KCNIP4: variants seen among roughly 807,000 people sequenced by gnomAD.
The protein encoded by KCNIP4 is Kv channel-interacting protein 4.
Under a neutral mutation model 34.0 loss-of-function variants are expected in KCNIP4, and 12 were observed. The observed-to-expected ratio is 0.35, with a 90% CI of 0.23 to 0.57. The LOEUF (loss-of-function observed/expected upper bound fraction) is 0.57. Ranked by LOEUF, KCNIP4 falls within the 20% of genes least tolerant of loss-of-function variation. The probability of loss-of-function intolerance (pLI) is 0.83; values close to 1 mark genes in which losing one functional copy is unlikely to be tolerated. For missense variants in KCNIP4, 238 were observed against 311.7 expected (o/e 0.76, Z 1.78); for synonymous variants, 124 against 102.2 (o/e 1.21, Z -1.29).
intron 1 of KCNIP4, among the ~76,000 whole-genome samples, chr4:20,896,533 A>G (rs1007971605): frequency 2.0e-5 from 3 of 152,218 alleles, no homozygotes; most frequent in Admixed American, 2.0e-4. Flanking sequence ...ATGTGAGGAC[A>G]GAGGCAAAGA....
At chr4:21,252,753 C>CGT (rs1383016595) in intron 1 of KCNIP4, among the ~76,000 whole-genome samples, 65 of 134,266 alleles carry the variant, frequency 4.8e-4, no homozygotes, top group African/African-American at 1.9e-3. Context: ...TTTGGCAAAT[C>CGT]CTCTTTTTTT....
At chr4:20,897,824 C>T (rs1726722588) in intron 1 of KCNIP4, among the ~76,000 whole-genome samples, 1 of 152,114 alleles carries the variant, frequency 6.6e-6, no homozygotes. Flanking sequence ...AACTGTGAGG[C>T]CAGTAATTTC....
intron 1 of KCNIP4, among the ~76,000 whole-genome samples, chr4:21,619,911 C>T (rs1481634778): frequency 6.6e-6 from 1 of 152,168 alleles, no homozygotes; most frequent in Non-Finnish European, 1.5e-5. Context: ...AGGGGTGTTA[C>T]CTTGGGATTA....
At chr4:21,092,302 G>A (rs1386623666) in intron 1 of KCNIP4, among the ~76,000 whole-genome samples, 1 of 151,664 alleles carries the variant, frequency 6.6e-6, no homozygotes, top group East Asian at 1.9e-4. Flanking sequence ...GAATGCTATC[G>A]GGTCTCCCAA....
chr4:20,730,054 C>T lies in KCNIP4; in HGVS notation c.*28G>A. ...GGGTGGTAGAATAGTTCACATTTGT[C>T]TGTTGGATTCAGGATCTATTTGACA... On this transcript the variant is annotated 3_prime_UTR_variant, in exon 9 of 9. Transcript: ENST00000382152. 6.3e-7 allele frequency: 1 copy of T among 1,598,788 alleles called. No individual in the cohort carries two copies. The highest frequency in any genetic ancestry group is 8.5e-7 in the Non-Finnish European group (1 of 1,174,512).
intron 1 of KCNIP4, chr4:21,851,994 A>ATGTGTGTGTGTGTGTG (rs79897355): frequency 2.0e-5 from 3 of 150,450 alleles, no homozygotes; most frequent in African/African-American, 7.4e-5. Flanking sequence ...AATTCAATTA[A>ATGTGTGTGTGTGTGTG]TATGTGTGTG....
At chr4:21,112,298 G>A (rs537924073) in intron 1 of KCNIP4, among the ~76,000 whole-genome samples, 17 of 152,202 alleles carry the variant, frequency 1.1e-4, no homozygotes, top group South Asian at 2.1e-4. Context: ...TTTCTGCAGC[G>A]TTGGACTTTT....
chr4:21,579,932 C>T (rs1273471743), intron 1 of KCNIP4, among the ~76,000 whole-genome samples: 1 of 152,028 alleles, frequency 6.6e-6, no homozygotes, highest in Non-Finnish European at 1.5e-5. Flanking sequence ...TCACAGAACG[C>T]TTAGGTAAGT....
chr4:21,943,414 G>A (rs1284408718), intron 1 of KCNIP4, among the ~76,000 whole-genome samples: 3 of 151,964 alleles, frequency 2.0e-5, no homozygotes, highest in Non-Finnish European at 4.4e-5. Context: ...GATATAGCTG[G>A]TTATGGTCCC....
intron 1 of KCNIP4, among the ~76,000 whole-genome samples, chr4:21,508,352 G>A (rs1224081197): frequency 1.3e-5 from 2 of 152,074 alleles, no homozygotes; most frequent in African/African-American, 4.8e-5. Flanking sequence ...AAAACACGTA[G>A]ACAAACAACT....
At chr4:21,947,307 C>G (rs971439712) in intron 1 of KCNIP4, among the ~76,000 whole-genome samples, 1 of 152,136 alleles carries the variant, frequency 6.6e-6, no homozygotes, top group African/African-American at 2.4e-5. Flanking sequence ...ATGCTTGGCT[C>G]GTAATGAGTG....
In KCNIP4 at chr4:21,455,714, TC is replaced by T. The variant is rs541933817; in HGVS notation, c.61+492856del. 2.0e-3 allele frequency among the ~76,000 whole-genome samples: 298 copies of T among 148,754 alleles called. 1 individual carries two copies. The highest frequency in any genetic ancestry group is 6.8e-3 in the African/African-American group (277 of 40,758). ...TTTCTATCTACAACACCCTTTTTTT[TC>T]TTTTTCCTCTCTCCCTCCCTTTCTT... On this transcript the variant is annotated intron_variant, in intron 1 of 8. Transcript: ENST00000382152.
At chr4:21,258,204 T>A (rs1319021865) in intron 1 of KCNIP4, among the ~76,000 whole-genome samples, 1 of 152,108 alleles carries the variant, frequency 6.6e-6, no homozygotes, top group Non-Finnish European at 1.5e-5. Flanking sequence ...AAAATCCCAT[T>A]AGGTGATTTA....
At chr4:21,801,826 C>T (rs927065047) in intron 1 of KCNIP4, among the ~76,000 whole-genome samples, 7 of 151,542 alleles carry the variant, frequency 4.6e-5, no homozygotes, top group Admixed American at 4.6e-4. Flanking sequence ...ATGTAGATAC[C>T]AGGCTGAGAA....
chr4:20,811,975 G>C (rs1226717196), intron 3 of KCNIP4, among the ~76,000 whole-genome samples: 1 of 152,150 alleles, frequency 6.6e-6, no homozygotes, highest in Non-Finnish European at 1.5e-5. Context: ...TACCCTAAGA[G>C]ACAGGCCACT....
intron 1 of KCNIP4, among the ~76,000 whole-genome samples, chr4:21,471,421 C>T (rs947011841): frequency 6.6e-6 from 1 of 152,056 alleles, no homozygotes; most frequent in African/African-American, 2.4e-5. Flanking sequence ...GTTGCAGAAG[C>T]TAGGGAATTA....
At chr4:21,610,026 G>T (rs1254446084) in intron 1 of KCNIP4, among the ~76,000 whole-genome samples, 1 of 152,192 alleles carries the variant, frequency 6.6e-6, no homozygotes, top group African/African-American at 2.4e-5. Context: ...TTATATTTAG[G>T]AGATACTTCT....
intron 1 of KCNIP4, among the ~76,000 whole-genome samples, chr4:21,487,486 G>A (rs1284662535): frequency 6.7e-6 from 1 of 149,540 alleles, no homozygotes; most frequent in African/African-American, 2.4e-5. Flanking sequence ...CTACTCCACT[G>A]TAAAGTCATT....
At chr4:20,985,607 T>C (rs1403122030) in intron 1 of KCNIP4, among the ~76,000 whole-genome samples, 1 of 152,202 alleles carries the variant, frequency 6.6e-6, no homozygotes, top group South Asian at 2.1e-4. Context: ...GAGCTATAAA[T>C]GGTACATGAA....
Sources: gnomAD v4.1 joint callset for allele counts (sites outside exome capture counted in the v4.1 genomes callset) on GRCh38, gnomAD v4.1.1 for gene constraint, MANE v1.5 for transcripts, NCBI Gene and HGNC (gene_info 2026-07-23, HGNC 2026-07-21) for gene names.